Variants in CTNNA3 observed in about 807,000 individuals in gnomAD.
CTNNA3 encodes the protein catenin alpha 3.
In CTNNA3, 76 loss-of-function variants were observed where a neutral mutation model predicts 95.7. That is an observed-to-expected ratio of 0.79 (90% confidence interval 0.66 to 0.96). The LOEUF (loss-of-function observed/expected upper bound fraction) is 0.96. CTNNA3 is among the 40% of genes least tolerant of loss of function. CTNNA3 has a pLI of 0.00. For missense variants in CTNNA3, 1,191 were observed against 1,089.8 expected (o/e 1.09, Z -1.31); for synonymous variants, 431 against 374.4 (o/e 1.15, Z -1.74).
intron 9 of CTNNA3, among the ~76,000 whole-genome samples, chr10:66,662,021 A>G (rs1411724629): frequency 6.6e-6 from 1 of 152,188 alleles, no homozygotes; most frequent in Non-Finnish European, 1.5e-5. Context: ...ATAAAATTAA[A>G]AAGTTCTGGA....
At chr10:66,811,425 C>CG (rs1841869725) in intron 7 of CTNNA3, among the ~76,000 whole-genome samples, 1 of 152,120 alleles carries the variant, frequency 6.6e-6, no homozygotes, top group Admixed American at 6.6e-5. Flanking sequence ...TCTGAATCTA[C>CG]GCAAGAGGAA....
intron 7 of CTNNA3, among the ~76,000 whole-genome samples, chr10:67,027,436 C>CTT (rs5785811): frequency 0.42 from 56,366 of 134,138 alleles, 12,892 homozygotes; most frequent in Middle Eastern, 0.64. Flanking sequence ...TCTTTCATGA[C>CTT]TTTTTTTTTT....
At position 65,970,163 on chromosome 10, in the gene CTNNA3, A is replaced by G. The variant is rs867304761; in HGVS notation, c.2266-3417T>C. Among the ~76,000 whole-genome samples the G allele has an allele frequency of 3.9e-5, 6 of 152,146 alleles. No homozygotes were observed. In the South Asian group the frequency reaches 1.2e-3, roughly 31 times the overall value. ...AAAGAAATTTCAACAAAAAGTTCATATCCCACCAGGCTAAGCTTTATCACT... is the reference window on the plus strand; with the variant it reads ...AAAGAAATTTCAACAAAAAGTTCATGTCCCACCAGGCTAAGCTTTATCACT... On this transcript the variant is annotated intron_variant, in intron 16 of 17. Transcript: ENST00000433211.
chr10:66,602,838 C>G (rs571620564), intron 10 of CTNNA3, among the ~76,000 whole-genome samples: 1 of 152,112 alleles, frequency 6.6e-6, no homozygotes, highest in African/African-American at 2.4e-5. Context: ...GAATCAAGGA[C>G]AAAAACCCTA....
chr10:66,817,455 T>C (rs927978274), intron 7 of CTNNA3, among the ~76,000 whole-genome samples: 2 of 151,952 alleles, frequency 1.3e-5, no homozygotes, highest in Admixed American at 6.6e-5. Context: ...AATTCTCAAA[T>C]TACCAAAATC....
chr10:65,986,256 C>G (rs1468279787), intron 16 of CTNNA3, among the ~76,000 whole-genome samples: 1 of 149,892 alleles, frequency 6.7e-6, no homozygotes, highest in Non-Finnish European at 1.5e-5. Flanking sequence ...CATATATAGA[C>G]TACCATGTGC....
chr10:67,312,061 A>G (rs2132528111), intron 5 of CTNNA3, among the ~76,000 whole-genome samples: 1 of 145,264 alleles, frequency 6.9e-6, no homozygotes, highest in East Asian at 2.1e-4. Flanking sequence ...GAAAAAATAT[A>G]TACATTTAAA....
chr10:67,057,321 A>C lies in CTNNA3; in HGVS notation c.1047+122996T>G, dbSNP rs149997037. 7.5e-3 allele frequency among the ~76,000 whole-genome samples: 1,146 copies of C among 152,216 alleles called. 17 individuals are homozygous for C. The highest frequency in any genetic ancestry group is 0.027 in the African/African-American group (1,101 of 41,544). On this transcript the variant is annotated intron_variant, in intron 7 of 17. Coordinates refer to ENST00000433211, the MANE Select transcript of CTNNA3 (RefSeq NM_013266.4). Reference sequence around the variant, plus strand: ...TCCACTTTCTTAGCATATGTCAAGTATACTCTAAGTTATTATTAACTATAG... The same window carrying C: ...TCCACTTTCTTAGCATATGTCAAGTCTACTCTAAGTTATTATTAACTATAG...
intron 7 of CTNNA3, among the ~76,000 whole-genome samples, chr10:67,117,039 A>G (rs1202398673): frequency 6.6e-6 from 1 of 151,896 alleles, no homozygotes; most frequent in Admixed American, 6.6e-5. Flanking sequence ...AATCATCAGA[A>G]TAAATAAGAC....
chr10:66,709,479 G>A (rs10997325), intron 9 of CTNNA3, among the ~76,000 whole-genome samples: 4,912 of 151,910 alleles, frequency 0.032, 212 homozygotes, highest in East Asian at 0.22. Context: ...AAATTAGAGA[G>A]CTGCCAAATG....
At chr10:66,901,283 A>T (rs1564753009) in intron 7 of CTNNA3, among the ~76,000 whole-genome samples, 1 of 152,224 alleles carries the variant, frequency 6.6e-6, no homozygotes, top group South Asian at 2.1e-4. Flanking sequence ...ACTACCATTC[A>T]TAAGTGAAGG....
intron 15 of CTNNA3, among the ~76,000 whole-genome samples, chr10:65,998,983 G>T (rs2078718693): frequency 6.6e-6 from 1 of 151,988 alleles, no homozygotes; most frequent in Non-Finnish European, 1.5e-5. Context: ...AAGTTTCCCT[G>T]TAAAAATGAA....
intron 14 of CTNNA3, among the ~76,000 whole-genome samples, chr10:66,084,461 C>T (rs541331870): frequency 4.6e-5 from 7 of 152,026 alleles, no homozygotes; most frequent in Non-Finnish European, 5.9e-5. Flanking sequence ...TTTGTAATAC[C>T]TTGAAATCTA....
intron 7 of CTNNA3, among the ~76,000 whole-genome samples, chr10:67,009,799 C>A (rs894070106): frequency 6.6e-6 from 1 of 152,098 alleles, no homozygotes; most frequent in Non-Finnish European, 1.5e-5. Context: ...TTCCTTTTCC[C>A]AGGTCACACC....
rs10996863 is a variant in CTNNA3 at position 66,053,947 on chromosome 10, G to A, written c.2159+15361C>T. ...ATGGTTTATTATTATTATTGTTATCGTTGTTGCCACCTATTAATGAGAACA... is the reference window on the plus strand; with the variant it reads ...ATGGTTTATTATTATTATTGTTATCATTGTTGCCACCTATTAATGAGAACA... On this transcript the variant is annotated intron_variant, in intron 15 of 17. Transcript: ENST00000433211. Among the ~76,000 whole-genome samples the A allele has an allele frequency of 4.0e-5, 6 of 151,658 alleles. No homozygotes were observed. The South Asian group carries it at 6.2e-4, about 16-fold the overall frequency.
intron 10 of CTNNA3, among the ~76,000 whole-genome samples, chr10:66,565,006 GAAA>G (rs1349839536): frequency 1.3e-5 from 2 of 152,088 alleles, no homozygotes; most frequent in African/African-American, 4.8e-5. Context: ...ATACAGGAAC[GAAA>G]AATACCATTC....
chr10:66,622,137 A>G (rs900658835), intron 9 of CTNNA3, among the ~76,000 whole-genome samples: 4 of 152,118 alleles, frequency 2.6e-5, no homozygotes, highest in African/African-American at 9.7e-5. Context: ...GGAATCTCAT[A>G]TGATTGTGAT....
At chr10:66,629,853 T>C (rs1845071466) in intron 9 of CTNNA3, among the ~76,000 whole-genome samples, 1 of 152,144 alleles carries the variant, frequency 6.6e-6, no homozygotes, top group African/African-American at 2.4e-5. Context: ...ACACCACTTA[T>C]ACTTGCTTAA....
chr10:66,153,202 A>C (rs773460297), intron 13 of CTNNA3, among the ~76,000 whole-genome samples: 5 of 151,670 alleles, frequency 3.3e-5, no homozygotes, highest in Non-Finnish European at 7.4e-5. Context: ...CTTTACTGAG[A>C]TTTCCTATTT....
Sources: allele counts gnomAD v4.1 joint callset (sites outside exome capture counted in the v4.1 genomes callset), GRCh38; gene constraint gnomAD v4.1.1; transcripts MANE v1.5; gene names NCBI Gene and HGNC (gene_info 2026-07-23, HGNC 2026-07-21).